ABCA10: variants seen among roughly 807,000 people sequenced by gnomAD.
ABCA10 encodes the protein ATP-binding cassette sub-family A member 10.
ABCA10 carries 169 observed loss-of-function variants against 187.5 expected under a neutral mutation model. That is an observed-to-expected ratio of 0.90 (90% CI 0.80 to 1.02). The LOEUF is 1.02. ABCA10 is among the 50% of genes least tolerant of loss of function. The pLI is 0.00. For missense variants in ABCA10, 1,727 were observed against 1,812.4 expected, an observed-to-expected ratio of 0.95 and a Z score of 0.86; for synonymous variants, 574 against 601.8, an observed-to-expected ratio of 0.95 and a Z score of 0.68.
intron 27 of ABCA10, among the ~76,000 whole-genome samples, chr17:69,161,727 G>T (rs1338137843): frequency 1.3e-5 from 2 of 152,100 alleles, no homozygotes; most frequent in African/African-American, 4.8e-5. Context: ...TTTGAAAATA[G>T]GTACATTCAT....
chr17:69,234,813 T>A (rs1401088389), intron 1 of ABCA10: 1 of 152,248 alleles, frequency 6.6e-6, no homozygotes, highest in East Asian at 1.9e-4. Context: ...AAACCTTCAA[T>A]TAATCTTAAT....
chr17:69,191,756 T>C (rs754625000), intron 16 of ABCA10, among the ~76,000 whole-genome samples: 1 of 152,184 alleles, frequency 6.6e-6, no homozygotes, highest in Non-Finnish European at 1.5e-5. Flanking sequence ...ACATGAAACA[T>C]TGCTTCTGAA....
At chr17:69,205,452 A>G (rs2074584167) in intron 9 of ABCA10, among the ~76,000 whole-genome samples, 1 of 152,232 alleles carries the variant, frequency 6.6e-6, no homozygotes, top group Admixed American at 6.5e-5. Context: ...GTGTCATAAA[A>G]AGCAAATATC....
chr17:69,154,709 C>T (rs2074160424), intron 30 of ABCA10, among the ~76,000 whole-genome samples: 1 of 152,150 alleles, frequency 6.6e-6, no homozygotes, highest in Admixed American at 6.5e-5. Context: ...GCACGAGCCA[C>T]CGTGGCCACC....
chr17:69,174,181 C>G (rs975674064), intron 25 of ABCA10, 100 bp downstream of exon 25: 6 of 757,384 alleles, frequency 7.9e-6, no homozygotes, highest in African/African-American at 3.7e-5. Context: ...AACAAAAAAC[C>G]CTCCATTCTC....
chr17:69,205,171 C>T (rs544078606), intron 9 of ABCA10, among the ~76,000 whole-genome samples: 2 of 151,794 alleles, frequency 1.3e-5, no homozygotes, highest in African/African-American at 2.4e-5. Flanking sequence ...ACGTATTATA[C>T]CCAAATAAAG....
chr17:69,192,795 C>A lies in ABCA10; in HGVS notation c.1781-142G>T, dbSNP rs181527786. 51 of 752,688 alleles carry A rather than the reference C, an allele frequency of 6.8e-5. No homozygotes were observed. In the East Asian group the frequency reaches 1.2e-3, roughly 17 times the overall value. 46.6% of individuals were successfully genotyped at this position (752,688 alleles called of 1,614,324 possible). A position where few individuals can be genotyped will look rare whatever the true frequency, so the allele number is the denominator to read the frequency against. On this transcript the variant is annotated intron_variant, in intron 15 of 38. Transcript: ENST00000690296. ...ATCATTAAGCCCCTGGGTGCAGTATCATTTCTAATCCCCATGCCTATTGTG... is the reference window on the plus strand; with the variant it reads ...ATCATTAAGCCCCTGGGTGCAGTATAATTTCTAATCCCCATGCCTATTGTG...
intron 22 of ABCA10, among the ~76,000 whole-genome samples, chr17:69,176,643 T>C (rs1030565548): frequency 6.6e-6 from 1 of 152,118 alleles, no homozygotes; most frequent in Non-Finnish European, 1.5e-5. Flanking sequence ...TGGGAAAGGA[T>C]ATTACCCATG....
In ABCA10 at chr17:69,175,507, T is replaced by C. The variant is rs1161367577; in HGVS notation, c.2776A>G (p.Ile926Val). ...TCTATAAAACCAAGATCCAGCACTA[T>C]GTCATCCTGAAAGATGAAAACACAT... ...MESTSFSRDD[I>V]VLDLGFIDGS... Residue 926 changes from isoleucine (I) to valine (V), a missense_variant, in exon 23 of 39, where the codon ATA becomes GTA. Ile to Val is a conservative substitution (Grantham distance 29). Coordinates refer to ENST00000690296, the MANE Select transcript of ABCA10 (RefSeq NM_001377321.1). 6 of 1,605,986 alleles carry C rather than the reference T, an allele frequency of 3.7e-6. No homozygotes were observed. Among genetic ancestry groups the C allele is most frequent in the Middle Eastern group, 1.7e-4 (1 of 6,038 alleles).
chr17:69,196,105 G>A (rs1405448779), intron 11 of ABCA10: 3 of 163,990 alleles, frequency 1.8e-5, no homozygotes, highest in Non-Finnish European at 3.9e-5. Flanking sequence ...CGGCTGGGCA[G>A]AGGGGCCCCC....
At position 69,153,877 on chromosome 17, in the gene ABCA10, C is replaced by A; in HGVS notation, c.3919G>T (p.Ala1307Ser). ...TMKEHLELYA[A>S]VKGLGKEDAA... ...TCTTCTTTGCCCAGTCCTTTCACAG[C>A]TGCATACAACTCCAAGTGCTCTTTC... The change falls in exon 32 of 39, where the codon GCT becomes TCT. Residue 1307 changes from alanine to serine, a missense_variant. Transcript: ENST00000690296. 2 of 1,614,148 alleles carry A rather than the reference C, an allele frequency of 1.2e-6. No homozygotes were observed. The highest frequency in any genetic ancestry group is 3.3e-4 in the Middle Eastern group (2 of 6,062).
At chr17:69,166,371 T>C (rs1118164) in intron 25 of ABCA10, among the ~76,000 whole-genome samples, 84,888 of 151,692 alleles carry the variant, frequency 0.56, 25,262 homozygotes, top group Non-Finnish European at 0.67. Flanking sequence ...GCTTGATATG[T>C]ACCATAGATT....
intron 6 of ABCA10, among the ~76,000 whole-genome samples, chr17:69,217,235 G>A (rs1318444975): frequency 1.3e-5 from 2 of 148,980 alleles, no homozygotes; most frequent in African/African-American, 2.5e-5. Context: ...CAACAAGAGC[G>A]AAACTCCATC....
intron 25 of ABCA10, among the ~76,000 whole-genome samples, chr17:69,173,914 T>A (rs1478281234): frequency 2.0e-5 from 3 of 152,108 alleles, no homozygotes; most frequent in African/African-American, 7.2e-5. Context: ...AAAACATCAC[T>A]GAGTTGAGAG....
At chr17:69,151,414 GA>G (rs1598082803) in intron 36 of ABCA10, among the ~76,000 whole-genome samples, 1 of 152,084 alleles carries the variant, frequency 6.6e-6, no homozygotes, top group African/African-American at 2.4e-5. Context: ...GCCGGCAGCA[GA>G]TAATACGTAT....
intron 11 of ABCA10, among the ~76,000 whole-genome samples, 153 bp from the exon 12 acceptor site, chr17:69,194,648 T>C (rs1426651707): frequency 2.0e-5 from 3 of 152,262 alleles, no homozygotes; most frequent in African/African-American, 7.2e-5. Flanking sequence ...GTATAAGTTA[T>C]GTATTCCTGA....
Position 69,163,220 on chromosome 17 carries a change from C to A in ABCA10, c.3363+854G>T, listed in dbSNP as rs548560605. Among the ~76,000 whole-genome samples the A allele has an allele frequency of 1.9e-3, 285 of 152,210 alleles. 1 individual carries two copies. Among genetic ancestry groups the A allele is most frequent in the African/African-American group, 6.6e-3 (274 of 41,526 alleles). Reference sequence around the variant, plus strand: ...GTCCCATCTTGTCTAATGTTCTAACCTTTTCTTCCACTGCAAAGGCAACCC... The same window carrying A: ...GTCCCATCTTGTCTAATGTTCTAACATTTTCTTCCACTGCAAAGGCAACCC... On this transcript the variant is annotated intron_variant, in intron 27 of 38. Coordinates refer to ENST00000690296, the MANE Select transcript of ABCA10 (RefSeq NM_001377321.1).
intron 25 of ABCA10, among the ~76,000 whole-genome samples, chr17:69,170,108 T>G (rs756073535): frequency 2.2e-4 from 33 of 151,972 alleles, no homozygotes; most frequent in Non-Finnish European, 5.9e-5. Flanking sequence ...GCCAAGATGG[T>G]GAAACTCTGT....
At position 69,181,068 on chromosome 17, in the gene ABCA10, T is replaced by TA. The variant is rs2074376884; in HGVS notation, c.2769+1084dup. ...AAATGACAAAGAACAATAGAACTGTTAAAAAATCATAATTTTAGAATTGGA... is the reference window on the plus strand; with the variant it reads ...AAATGACAAAGAACAATAGAACTGTTAAAAAAATCATAATTTTAGAATTGGA... On this transcript the variant is annotated intron_variant, in intron 22 of 38. Transcript: ENST00000690296. 1.3e-5 allele frequency among the ~76,000 whole-genome samples: 2 copies of TA among 152,100 alleles called. 1 individual carries two copies. Among genetic ancestry groups the TA allele is most frequent in the East Asian group, 3.8e-4 (2 of 5,198 alleles).
Sources: allele counts gnomAD v4.1 joint callset (sites outside exome capture counted in the v4.1 genomes callset), GRCh38; gene constraint gnomAD v4.1.1; transcripts MANE v1.5; gene names NCBI Gene and HGNC (gene_info 2026-07-23, HGNC 2026-07-21).